AMOT: variants seen among roughly 807,000 people sequenced by gnomAD.
The protein encoded by AMOT is angiomotin.
Under a neutral mutation model 67.0 loss-of-function variants are expected in AMOT, and 11 were observed. The ratio of observed to expected loss-of-function variants is 0.16; its 90% confidence interval spans 0.10 to 0.27. The LOEUF is 0.27. Among genes scored for constraint, AMOT ranks in the 10% least tolerant of loss-of-function variants. AMOT has a pLI of 1.00. For synonymous variants in AMOT, 326 were observed against 321.4 expected (o/e 1.01, Z -0.15); for missense variants, 753 against 852.0 (o/e 0.88, Z 1.45).
intron 4 of AMOT, among the ~76,000 whole-genome samples, chrX:112,820,956 A>G (rs771647013): frequency 1.3e-4 from 12 of 92,405 alleles, no homozygotes; most frequent in East Asian, 1.2e-3. Flanking sequence ...GTTAAGAGGG[A>G]AAAAAAAAAA....
chrX:112,833,602 A>G (rs1236978456), intron 1 of AMOT, among the ~76,000 whole-genome samples: 1 of 111,540 alleles, frequency 9.0e-6, no homozygotes, highest in Non-Finnish European at 1.9e-5. Flanking sequence ...AACTAATTGT[A>G]GAAGAAAAAA....
At chrX:112,797,731 C>T (rs1018163576) in intron 8 of AMOT, among the ~76,000 whole-genome samples, 12 of 109,824 alleles carry the variant, frequency 1.1e-4, no homozygotes, top group Non-Finnish European at 1.7e-4. Context: ...AAGTGAGCCG[C>T]GATCGCGCCA....
chrX:112,832,748 A>T (rs143663274), intron 1 of AMOT, among the ~76,000 whole-genome samples: 1 of 111,847 alleles, frequency 8.9e-6, no homozygotes, highest in Admixed American at 9.4e-5. Context: ...TACTAACATA[A>T]TTGAGAGCTC....
chrX:112,790,859 G>C, intron 9 of AMOT, 77 bp from the exon 10 acceptor site: 1 of 933,903 alleles, frequency 1.1e-6, no homozygotes, highest in South Asian at 3.5e-5. Context: ...TCTTGGAGAG[G>C]ATTACTGCCC....
At chrX:112,824,001 G>A (rs897987394) in intron 3 of AMOT, among the ~76,000 whole-genome samples, 1 of 112,054 alleles carries the variant, frequency 8.9e-6, no homozygotes, top group African/African-American at 3.2e-5. Context: ...TCTGGAAAGG[G>A]TATACGATTA....
intron 8 of AMOT, among the ~76,000 whole-genome samples, chrX:112,797,805 A>C (rs762899636): frequency 9.1e-6 from 1 of 109,741 alleles, no homozygotes; most frequent in East Asian, 2.8e-4. Context: ...ATAAGAAAGA[A>C]AGACAAGAAA....
Position 112,779,389 on chromosome X carries a change from G to GCTGGAGCAGCAGCAGCAGCAACAGCAA in AMOT, c.2738_2764dup (p.Val913_Pro921dup). The stretch of plus-strand genomic sequence containing the variant: ...GGCTGGAGACGGGGCAGCAGCAGCA[G>GCTGGAGCAGCAGCAGCAGCAACAGCAA]CTGGAGCAGCAGCAGCAGCAACAGC... On this transcript the variant is annotated inframe_insertion, in exon 13 of 14. Transcript: ENST00000371959. 4 of 1,082,132 alleles carry GCTGGAGCAGCAGCAGCAGCAACAGCAA rather than the reference G, an allele frequency of 3.7e-6. No individual in the cohort carries two copies. Among genetic ancestry groups the GCTGGAGCAGCAGCAGCAGCAACAGCAA allele is most frequent in the Non-Finnish European group, 5.0e-6 (4 of 794,649 alleles). 89.2% of individuals were successfully genotyped at this position (1,082,132 alleles called of 1,213,427 possible). A position where few individuals can be genotyped will look rare whatever the true frequency, so the allele number is the denominator to read the frequency against.
intron 9 of AMOT, among the ~76,000 whole-genome samples, chrX:112,791,183 C>A (rs1933563929): frequency 9.3e-6 from 1 of 107,990 alleles, no homozygotes; most frequent in Non-Finnish European, 1.9e-5. Context: ...AGTTCAACAC[C>A]AGCCTAGTCA....
At chrX:112,828,598 C>T (rs1435561340) in intron 2 of AMOT, among the ~76,000 whole-genome samples, 8 of 109,224 alleles carry the variant, frequency 7.3e-5, no homozygotes, top group Non-Finnish European at 1.5e-4. Flanking sequence ...GCAACTCAGT[C>T]TACTACACAG....
In AMOT at chrX:112,804,688, C is replaced by T. The variant is rs191936098; in HGVS notation, c.1776+259G>A. On this transcript the variant is annotated intron_variant, in intron 8 of 13. Coordinates refer to ENST00000371959, the MANE Select transcript of AMOT (RefSeq NM_001113490.2). ...GAGCTTGGAATATGGGGGCAGTGAGCTTATTATATGAATGAACAAATGGAA... is the reference window on the plus strand; with the variant it reads ...GAGCTTGGAATATGGGGGCAGTGAGTTTATTATATGAATGAACAAATGGAA... 7.2e-5 allele frequency among the ~76,000 whole-genome samples: 8 copies of T among 111,486 alleles called. No homozygotes were observed. In the East Asian group the frequency reaches 2.2e-3, roughly 31 times the overall value.
At chrX:112,834,554 T>C (rs774205100) in intron 1 of AMOT, among the ~76,000 whole-genome samples, 3 of 111,888 alleles carry the variant, frequency 2.7e-5, no homozygotes, top group Non-Finnish European at 5.6e-5. Flanking sequence ...TTAATGTTTC[T>C]TTTGGGGGTA....
intron 10 of AMOT, among the ~76,000 whole-genome samples, chrX:112,788,178 G>A (rs907937814): frequency 5.5e-5 from 6 of 109,627 alleles, no homozygotes; most frequent in East Asian, 2.9e-4. Context: ...AGTCCCAGCT[G>A]CTTGGGAGGC....
At chrX:112,781,352 A>G (rs752960284) in intron 11 of AMOT, among the ~76,000 whole-genome samples, 8 of 107,715 alleles carry the variant, frequency 7.4e-5, no homozygotes, top group South Asian at 4.2e-4. Flanking sequence ...AGGCAGGAGA[A>G]TCACTTTAAC....
intron 7 of AMOT, among the ~76,000 whole-genome samples, chrX:112,805,396 C>T (rs1256743826): frequency 2.7e-5 from 3 of 110,042 alleles, no homozygotes; most frequent in African/African-American, 6.6e-5. Context: ...CACACACACA[C>T]ACACACACAC....
chrX:112,777,252 C>G lies in AMOT; in HGVS notation c.*1315G>C, dbSNP rs1932963066. 1.8e-5 allele frequency: 2 copies of G among 111,506 alleles called. No homozygotes were observed. Among genetic ancestry groups the G allele is most frequent in the South Asian group, 7.7e-4 (2 of 2,605 alleles). 9.2% of individuals were successfully genotyped at this position (111,506 alleles called of 1,213,427 possible). A position where few individuals can be genotyped will look rare whatever the true frequency, so the allele number is the denominator to read the frequency against. On this transcript the variant is annotated 3_prime_UTR_variant, in exon 14 of 14. Coordinates refer to ENST00000371959, the MANE Select transcript of AMOT (RefSeq NM_001113490.2). ...CAGACAGGTGACACAGGGCAGGGAC[C>G]TGTGGCAACTGGCATCCTTCTGTGT...
intron 1 of AMOT, among the ~76,000 whole-genome samples, chrX:112,833,067 C>G (rs188056755): frequency 1.3e-4 from 14 of 111,845 alleles, no homozygotes; most frequent in African/African-American, 3.9e-4. Flanking sequence ...AATCATATAA[C>G]CCAGCTAACT....
intron 4 of AMOT, among the ~76,000 whole-genome samples, chrX:112,817,193 T>C (rs749807919): frequency 8.9e-6 from 1 of 112,174 alleles, no homozygotes; most frequent in Non-Finnish European, 1.9e-5. Context: ...TCACGAGCTG[T>C]GTAACTTGGT....
At position 112,824,826 on chromosome X, in the gene AMOT, C is replaced by T. The variant is rs1388020704; in HGVS notation, c.-63+246G>A. 5.5e-5 allele frequency among the ~76,000 whole-genome samples: 6 copies of T among 108,574 alleles called. 1 individual carries two copies. The Admixed American group carries it at 5.8e-4, about 10-fold the overall frequency. 94.3% of individuals were successfully genotyped at this position (108,574 alleles called of 115,157 possible). A position where few individuals can be genotyped will look rare whatever the true frequency, so the allele number is the denominator to read the frequency against. On this transcript the variant is annotated intron_variant, in intron 3 of 13. Coordinates refer to ENST00000371959, the MANE Select transcript of AMOT (RefSeq NM_001113490.2). ...GTGCCCAAAACTAGAGAGATGACTA[C>T]CAAATTACTTTTCCCTGCTCACAAA...
At chrX:112,821,230 G>T (rs62612522) in intron 4 of AMOT, among the ~76,000 whole-genome samples, 1 of 111,329 alleles carries the variant, frequency 9.0e-6, no homozygotes, top group Non-Finnish European at 1.9e-5. Flanking sequence ...TAGTCTGTGA[G>T]CCGCATATAA....
Sources: gnomAD v4.1 joint callset for allele counts (sites outside exome capture counted in the v4.1 genomes callset) on GRCh38, gnomAD v4.1.1 for gene constraint, MANE v1.5 for transcripts, NCBI Gene and HGNC (gene_info 2026-07-23, HGNC 2026-07-21) for gene names.